The following MARCHF8 variants were observed in gnomAD, a reference collection of about 807,000 sequenced individuals.
The protein encoded by MARCHF8 is E3 ubiquitin-protein ligase MARCHF8.
A neutral mutation model predicts 51.6 loss-of-function variants in MARCHF8; 40 were observed. The observed-to-expected ratio is 0.77, with a 90% CI of 0.60 to 1.01. The LOEUF is 1.01. Ranked by LOEUF, MARCHF8 falls within the 50% of genes least tolerant of loss-of-function variation. The pLI is 0.00. For synonymous variants in MARCHF8, 263 were observed against 280.3 expected, an observed-to-expected ratio of 0.94 and a Z score of 0.62; for missense variants, 685 against 708.6, an observed-to-expected ratio of 0.97 and a Z score of 0.38.
At chr10:45,497,847 G>A (rs1261488861) in intron 2 of MARCHF8, among the ~76,000 whole-genome samples, 3 of 152,094 alleles carry the variant, frequency 2.0e-5, no homozygotes, top group East Asian at 1.9e-4. Flanking sequence ...CAGAGAAAAC[G>A]CAGTCATATG....
chr10:45,475,341 A>G (rs983773319), intron 3 of MARCHF8, among the ~76,000 whole-genome samples: 11 of 152,272 alleles, frequency 7.2e-5, no homozygotes, highest in African/African-American at 2.6e-4. Context: ...CCACCAGAGC[A>G]TTCTGCCAGG....
intron 1 of MARCHF8, among the ~76,000 whole-genome samples, chr10:45,555,788 A>G (rs1274067076): frequency 1.3e-5 from 2 of 151,960 alleles, no homozygotes; most frequent in Non-Finnish European, 2.9e-5. Flanking sequence ...GTATGTGTTT[A>G]TAATGATACT....
intron 2 of MARCHF8, among the ~76,000 whole-genome samples, chr10:45,512,037 A>G (rs1217830345): frequency 6.8e-6 from 1 of 147,960 alleles, no homozygotes; most frequent in African/African-American, 2.5e-5. Flanking sequence ...CCATCTAGGA[A>G]GTAAGGAGCG....
chr10:45,515,665 G>A (rs1172409053), intron 2 of MARCHF8, among the ~76,000 whole-genome samples: 1 of 152,148 alleles, frequency 6.6e-6, no homozygotes, highest in African/African-American at 2.4e-5. Context: ...GCCTTTCACT[G>A]TCCGGACATG....
chr10:45,583,834 T>C (rs928777744), intron 1 of MARCHF8, among the ~76,000 whole-genome samples: 1 of 151,546 alleles, frequency 6.6e-6, no homozygotes, highest in Non-Finnish European at 1.5e-5. Context: ...ATAAAAGCAG[T>C]AACAAAAGAA....
At chr10:45,547,029 C>G (rs555809601) in intron 1 of MARCHF8, among the ~76,000 whole-genome samples, 12 of 151,896 alleles carry the variant, frequency 7.9e-5, no homozygotes, top group Non-Finnish European at 1.5e-4. Flanking sequence ...TCTAGACTGG[C>G]CTGGGCAACA....
chr10:45,514,686 G>C (rs2043590169), intron 2 of MARCHF8, among the ~76,000 whole-genome samples: 1 of 152,200 alleles, frequency 6.6e-6, no homozygotes. Flanking sequence ...AGACTTACTT[G>C]GTGCCATACA....
chr10:45,527,324 CAA>C (rs535294583), intron 2 of MARCHF8, among the ~76,000 whole-genome samples: 74 of 151,982 alleles, frequency 4.9e-4, no homozygotes, highest in African/African-American at 1.7e-3. Context: ...GATAAAGAAA[CAA>C]AAAGTTGCTT....
intron 1 of MARCHF8, among the ~76,000 whole-genome samples, chr10:45,568,463 G>C (rs12776336): frequency 0.056 from 8,470 of 152,156 alleles, 288 homozygotes; most frequent in Non-Finnish European, 0.066. Flanking sequence ...GCTCACACCC[G>C]TAATCTCAGC....
upstream of MARCHF8, among the ~76,000 whole-genome samples, chr10:45,539,534 G>C (rs544222017): frequency 6.6e-6 from 1 of 152,100 alleles, no homozygotes; most frequent in Non-Finnish European, 1.5e-5. Context: ...CCCAGGAGCT[G>C]GTTTTTTGAA....
chr10:45,458,696 A>G (rs1271159168), intron 7 of MARCHF8, among the ~76,000 whole-genome samples, 153 bp from the exon 8 acceptor site: 2 of 152,170 alleles, frequency 1.3e-5, no homozygotes, highest in South Asian at 2.1e-4. Context: ...GCTGGAGTGC[A>G]GTGGCTATTC....
intron 3 of MARCHF8, among the ~76,000 whole-genome samples, chr10:45,475,055 G>A (rs2042761791): frequency 6.6e-6 from 1 of 152,194 alleles, no homozygotes; most frequent in Admixed American, 6.5e-5. Context: ...GCATCCTGCT[G>A]GGGGCCCAAC....
At chr10:45,571,497 G>T (rs2044428667) in intron 1 of MARCHF8, among the ~76,000 whole-genome samples, 1 of 151,996 alleles carries the variant, frequency 6.6e-6, no homozygotes, top group Non-Finnish European at 1.5e-5. Flanking sequence ...CAGCCCACCT[G>T]CACCCAGGTG....
intron 2 of MARCHF8, among the ~76,000 whole-genome samples, chr10:45,524,201 C>T (rs1219349432): frequency 6.6e-6 from 1 of 152,112 alleles, no homozygotes; most frequent in African/African-American, 2.4e-5. Context: ...AACATCAAAA[C>T]TTCTCTTTAT....
intron 1 of MARCHF8, among the ~76,000 whole-genome samples, chr10:45,567,521 T>C (rs778012939): frequency 6.6e-6 from 1 of 152,206 alleles, no homozygotes; most frequent in Non-Finnish European, 1.5e-5. Context: ...CAGCACGATT[T>C]ATTGAAGAGA....
chr10:45,581,096 G>A (rs946105171), intron 1 of MARCHF8, among the ~76,000 whole-genome samples: 2 of 152,098 alleles, frequency 1.3e-5, no homozygotes, highest in South Asian at 2.1e-4. Context: ...CCAGCTGAGC[G>A]GTATTCGTAA....
Position 45,503,536 on chromosome 10 carries a change from C to CAAATAAATAAATAAATAAAT in MARCHF8, c.103-14139_103-14120dup, listed in dbSNP as rs74794115. Among the ~76,000 whole-genome samples, 576 of 144,942 alleles carry CAAATAAATAAATAAATAAAT rather than the reference C, an allele frequency of 4.0e-3. 3 individuals carry two copies. The highest frequency in any genetic ancestry group is 0.014 in the Middle Eastern group (4 of 276). ...CTGGCGACAGAACGAGACTCCGTCT[C>CAAATAAATAAATAAATAAAT]AAATAAATAAATAAATAAATAAATA... On this transcript the variant is annotated intron_variant, in intron 2 of 7. Coordinates refer to ENST00000453424, the MANE Select transcript of MARCHF8 (RefSeq NM_001282866.2).
chr10:45,512,707 ACC>A (rs1446535271), intron 2 of MARCHF8, among the ~76,000 whole-genome samples: 2 of 151,292 alleles, frequency 1.3e-5, no homozygotes, highest in Admixed American at 1.3e-4. Context: ...CCCGGCCACC[ACC>A]CCGTCTGGGA....
At chr10:45,591,212 G>A (rs1307478276) in intron 1 of MARCHF8, among the ~76,000 whole-genome samples, 1 of 152,182 alleles carries the variant, frequency 6.6e-6, no homozygotes, top group Non-Finnish European at 1.5e-5. Flanking sequence ...AGACAGCCTT[G>A]CTGCTCCCAC....
Sources: gnomAD v4.1 joint callset for allele counts (sites outside exome capture counted in the v4.1 genomes callset) on GRCh38, gnomAD v4.1.1 for gene constraint, MANE v1.5 for transcripts, NCBI Gene and HGNC (gene_info 2026-07-23, HGNC 2026-07-21) for gene names.